CTNNA3: variants seen among roughly 807,000 people sequenced by gnomAD.
The protein encoded by CTNNA3 is catenin alpha 3.
In CTNNA3, 76 loss-of-function variants were observed where a neutral mutation model predicts 95.7. The ratio of observed to expected loss-of-function variants is 0.79; its 90% CI spans 0.66 to 0.96. The LOEUF (loss-of-function observed/expected upper bound fraction) is 0.96. Ranked by LOEUF, CTNNA3 falls within the 40% of genes least tolerant of loss-of-function variation. The probability of loss-of-function intolerance (pLI) is 0.00; values close to 1 mark genes in which losing one functional copy is unlikely to be tolerated. For missense variants in CTNNA3, 1,191 were observed against 1,089.8 expected, an observed-to-expected ratio of 1.09 and a Z score of -1.31; for synonymous variants, 431 against 374.4, an observed-to-expected ratio of 1.15 and a Z score of -1.74.
intron 15 of CTNNA3, among the ~76,000 whole-genome samples, chr10:65,990,172 T>A (rs1395035899): frequency 3.3e-5 from 5 of 151,930 alleles, no homozygotes; most frequent in Non-Finnish European, 4.4e-5. Flanking sequence ...CTATTGTGAA[T>A]AATACTACAA....
At chr10:67,758,323 T>TAC (rs3059974) in intron 1 of CTNNA3, among the ~76,000 whole-genome samples, 56,334 of 143,060 alleles carry the variant, frequency 0.39, 13,148 homozygotes, top group Non-Finnish European at 0.55. Flanking sequence ...TAAATATATA[T>TAC]ACACACACAC....
intron 7 of CTNNA3, among the ~76,000 whole-genome samples, chr10:67,058,758 G>A (rs1477048069): frequency 2.0e-5 from 3 of 152,104 alleles, no homozygotes; most frequent in Non-Finnish European, 4.4e-5. Flanking sequence ...CTAAGGAATC[G>A]TGACTAGACT....
At chr10:67,279,616 G>C (rs375477165) in intron 5 of CTNNA3, among the ~76,000 whole-genome samples, 1 of 150,934 alleles carries the variant, frequency 6.6e-6, no homozygotes, top group Non-Finnish European at 1.5e-5. Context: ...ATGTAGCTAC[G>C]GGGAGATATT....
chr10:66,201,783 C>CTTTTTTTTTTTTTTT (rs1236010501), intron 13 of CTNNA3, among the ~76,000 whole-genome samples: 3 of 79,362 alleles, frequency 3.8e-5, no homozygotes, highest in African/African-American at 5.2e-5. Context: ...TTTACTTTTT[C>CTTTTTTTTTTTTTTT]TTTTTTTTTT....
intron 2 of CTNNA3, among the ~76,000 whole-genome samples, chr10:67,638,391 C>T (rs2133454723): frequency 6.6e-6 from 1 of 152,276 alleles, no homozygotes; most frequent in East Asian, 1.9e-4. Context: ...GAGACTTAGA[C>T]TCCCACACAA....
intron 7 of CTNNA3, among the ~76,000 whole-genome samples, chr10:67,167,647 G>A (rs1861835246): frequency 2.0e-5 from 3 of 152,162 alleles, no homozygotes; most frequent in South Asian, 2.1e-4. Flanking sequence ...GCTATCATTA[G>A]AGAATACAAT....
At chr10:66,372,834 A>C (rs575486944) in intron 12 of CTNNA3, among the ~76,000 whole-genome samples, 9 of 152,254 alleles carry the variant, frequency 5.9e-5, no homozygotes, top group African/African-American at 2.2e-4. Context: ...CAAGAACAGC[A>C]TAGGGGAAAC....
chr10:66,586,618 A>G (rs1413643649), intron 10 of CTNNA3, among the ~76,000 whole-genome samples: 1 of 152,144 alleles, frequency 6.6e-6, no homozygotes, highest in African/African-American at 2.4e-5. Flanking sequence ...GTGTTCCAGA[A>G]AGTCTGTCTA....
chr10:66,718,464 C>T (rs545923238), intron 9 of CTNNA3, among the ~76,000 whole-genome samples: 1 of 152,052 alleles, frequency 6.6e-6, no homozygotes, highest in African/African-American at 2.4e-5. Context: ...GAAAAAGAGG[C>T]AAAAGAGCTA....
intron 7 of CTNNA3, among the ~76,000 whole-genome samples, chr10:67,075,263 T>A (rs1564873904): frequency 6.6e-6 from 1 of 151,106 alleles, no homozygotes; most frequent in East Asian, 1.9e-4. Context: ...AATCTTAAAT[T>A]AAAAAAAAAT....
At chr10:67,242,493 G>A (rs1417627745) in intron 5 of CTNNA3, among the ~76,000 whole-genome samples, 2 of 152,206 alleles carry the variant, frequency 1.3e-5, no homozygotes, top group South Asian at 2.1e-4. Context: ...AGCAGGAAGC[G>A]TGAATAGGGC....
intron 7 of CTNNA3, among the ~76,000 whole-genome samples, chr10:66,903,245 T>G (rs1845833686): frequency 6.6e-6 from 1 of 152,054 alleles, no homozygotes; most frequent in Non-Finnish European, 1.5e-5. Context: ...GTAAACATAA[T>G]CCATCACATA....
chr10:66,392,808 A>G (rs987025786), intron 11 of CTNNA3, among the ~76,000 whole-genome samples: 2 of 152,160 alleles, frequency 1.3e-5, no homozygotes, highest in Non-Finnish European at 2.9e-5. Context: ...TTTGGAAGAC[A>G]GTTTGGAATG....
chr10:66,976,318 C>A (rs1850028500), intron 7 of CTNNA3, among the ~76,000 whole-genome samples: 1 of 152,042 alleles, frequency 6.6e-6, no homozygotes, highest in Admixed American at 6.6e-5. Context: ...TCAGCTGAGA[C>A]CTGAAATTAA....
intron 12 of CTNNA3, among the ~76,000 whole-genome samples, chr10:66,325,670 G>A (rs182994954): frequency 3.3e-4 from 49 of 149,600 alleles, no homozygotes; most frequent in African/African-American, 1.1e-3. Flanking sequence ...CTCTAACCAA[G>A]TCATAAGGCA....
chr10:66,683,646 C>CTCAA (rs10630556), intron 9 of CTNNA3, among the ~76,000 whole-genome samples: 83,711 of 151,500 alleles, frequency 0.55, 23,836 homozygotes, highest in African/African-American at 0.68. Flanking sequence ...CATGGGAATG[C>CTCAA]TCAAAGCTTT....
At chr10:67,081,579 C>G (rs79448097) in intron 7 of CTNNA3, among the ~76,000 whole-genome samples, 482 of 152,300 alleles carry the variant, frequency 3.2e-3, no homozygotes, top group Middle Eastern at 0.024. Context: ...TATCTGACTT[C>G]AGGCTCTCAT....
intron 7 of CTNNA3, among the ~76,000 whole-genome samples, chr10:66,974,650 A>G (rs564243123): frequency 7.9e-4 from 120 of 152,308 alleles, no homozygotes; most frequent in African/African-American, 2.7e-3. Flanking sequence ...TCATTGGTTC[A>G]TATCATCTAC....
At chr10:66,873,631 A>G (rs1464727174) in intron 7 of CTNNA3, among the ~76,000 whole-genome samples, 1 of 152,114 alleles carries the variant, frequency 6.6e-6, no homozygotes, top group East Asian at 1.9e-4. Flanking sequence ...CTGATCCTCA[A>G]CAAATTCAAC....
Sources: gnomAD v4.1 joint callset for allele counts (sites outside exome capture counted in the v4.1 genomes callset) on GRCh38, gnomAD v4.1.1 for gene constraint, MANE v1.5 for transcripts, NCBI Gene and HGNC (gene_info 2026-07-23, HGNC 2026-07-21) for gene names.